GRID2: variants seen among roughly 807,000 people sequenced by gnomAD.
The protein encoded by GRID2 is glutamate receptor ionotropic, delta-2.
GRID2 carries 33 observed loss-of-function variants against 114.8 expected under a neutral mutation model. The observed-to-expected ratio is 0.29, with a 90% confidence interval of 0.22 to 0.38. The LOEUF (loss-of-function observed/expected upper bound fraction) is 0.38, where lower values mean the gene tolerates loss of function less well. GRID2 is among the 10% of genes least tolerant of loss of function. GRID2 has a pLI of 1.00. For missense variants in GRID2, 1,184 were observed against 1,257.7 expected (o/e 0.94, Z 0.89); for synonymous variants, 505 against 449.9 (o/e 1.12, Z -1.55).
At chr4:92,380,661 T>G (rs2110236274) in intron 1 of GRID2, among the ~76,000 whole-genome samples, 2 of 152,118 alleles carry the variant, frequency 1.3e-5, no homozygotes, top group Middle Eastern at 6.8e-3. Flanking sequence ...ATCCTTTTGT[T>G]TTTGTTTTGT....
chr4:93,073,950 A>G (rs1332913699), intron 2 of GRID2, among the ~76,000 whole-genome samples: 2 of 152,202 alleles, frequency 1.3e-5, no homozygotes, highest in Non-Finnish European at 2.9e-5. Context: ...GCAAAGTAAC[A>G]CACAACAGAT....
chr4:93,017,680 C>T (rs1722882807), intron 2 of GRID2, among the ~76,000 whole-genome samples: 1 of 151,494 alleles, frequency 6.6e-6, no homozygotes, highest in Non-Finnish European at 1.5e-5. Context: ...GTGTTAGGCG[C>T]TTGTGATCCC....
At chr4:93,222,633 A>G (rs1745018896) in intron 6 of GRID2, among the ~76,000 whole-genome samples, 1 of 151,588 alleles carries the variant, frequency 6.6e-6, no homozygotes, top group African/African-American at 2.4e-5. Context: ...ACCCCACAAC[A>G]GGCCCCGGTG....
At position 93,362,236 on chromosome 4, in the gene GRID2, C is replaced by T. The variant is rs558295330; in HGVS notation, c.1246-33371C>T. Among the ~76,000 whole-genome samples the T allele has an allele frequency of 1.6e-4, 25 of 151,954 alleles. 1 individual carries two copies. The South Asian group carries it at 4.2e-3, about 25-fold the overall frequency. Reference sequence around the variant, plus strand: ...GCCTCAGTGAGTATATTTTTTATACCGTTGCTTCTCTCTCAATGGTAGAAT... The same window carrying T: ...GCCTCAGTGAGTATATTTTTTATACTGTTGCTTCTCTCTCAATGGTAGAAT... On this transcript the variant is annotated intron_variant, in intron 8 of 15. Coordinates refer to ENST00000282020, the MANE Select transcript of GRID2 (RefSeq NM_001510.4).
At chr4:93,264,969 G>A (rs1750655904) in intron 8 of GRID2, among the ~76,000 whole-genome samples, 1 of 151,402 alleles carries the variant, frequency 6.6e-6, no homozygotes, top group South Asian at 2.1e-4. Flanking sequence ...TTTTAGTAGA[G>A]ACGGGGTTTC....
At chr4:92,629,405 T>C (rs1418340845) in intron 2 of GRID2, among the ~76,000 whole-genome samples, 3 of 152,152 alleles carry the variant, frequency 2.0e-5, no homozygotes, top group Non-Finnish European at 4.4e-5. Flanking sequence ...TCTGTCATCT[T>C]ATATATTGCT....
Position 92,395,363 on chromosome 4 carries a change from A to G in GRID2, c.88+90619A>G, listed in dbSNP as rs546794936. On this transcript the variant is annotated intron_variant, in intron 1 of 15. Coordinates refer to ENST00000282020, the MANE Select transcript of GRID2 (RefSeq NM_001510.4). ...AAAAATATTGTTAAGAAATGTATAT[A>G]TAAAATAAAATATTATTTTTACAGC... Among the ~76,000 whole-genome samples the G allele has an allele frequency of 3.2e-4, 48 of 151,856 alleles. No individual in the cohort carries two copies. In the South Asian group the frequency reaches 6.8e-3, roughly 22 times the overall value.
intron 2 of GRID2, among the ~76,000 whole-genome samples, chr4:93,062,801 A>AAAGG (rs1727923497): frequency 6.6e-6 from 1 of 152,024 alleles, no homozygotes; most frequent in African/African-American, 2.4e-5. Flanking sequence ...TGTATTCAGG[A>AAAGG]AAGGAGGCAG....
intron 9 of GRID2, among the ~76,000 whole-genome samples, chr4:93,411,621 G>C (rs1243954739): frequency 6.6e-6 from 1 of 151,854 alleles, no homozygotes; most frequent in Non-Finnish European, 1.5e-5. Flanking sequence ...TTTTAGTAGA[G>C]ACGAGTTTCA....
intron 4 of GRID2, among the ~76,000 whole-genome samples, chr4:93,124,292 T>G (rs570864903): frequency 1.4e-4 from 22 of 152,258 alleles, no homozygotes; most frequent in Non-Finnish European, 3.2e-4. Flanking sequence ...ATTATGCACC[T>G]CTTTGAGCTC....
At chr4:92,612,300 C>G (rs1248761990) in intron 2 of GRID2, among the ~76,000 whole-genome samples, 1 of 151,396 alleles carries the variant, frequency 6.6e-6, no homozygotes, top group Non-Finnish European at 1.5e-5. Flanking sequence ...TCAGAATACT[C>G]GTGTCTTCCA....
intron 4 of GRID2, among the ~76,000 whole-genome samples, chr4:93,126,043 A>C (rs1455379156): frequency 6.6e-6 from 1 of 152,224 alleles, no homozygotes; most frequent in African/African-American, 2.4e-5. Flanking sequence ...TGATCCAAGT[A>C]GGTAACTTCT....
chr4:93,108,890 A>G (rs1326986869), intron 3 of GRID2, among the ~76,000 whole-genome samples: 4 of 152,072 alleles, frequency 2.6e-5, no homozygotes, highest in Non-Finnish European at 5.9e-5. Context: ...CGGTCTCCCA[A>G]AGTCCTGGGA....
At chr4:93,412,968 T>A (rs1224403255) in intron 9 of GRID2, among the ~76,000 whole-genome samples, 1 of 152,230 alleles carries the variant, frequency 6.6e-6, no homozygotes, top group East Asian at 1.9e-4. Context: ...GATGTGTAAG[T>A]GCCACATTTT....
intron 8 of GRID2, among the ~76,000 whole-genome samples, chr4:93,275,431 C>CAT (rs3078736): frequency 0.013 from 1,932 of 148,002 alleles, 16 homozygotes; most frequent in Non-Finnish European, 0.019. Context: ...TGGATATATA[C>CAT]ATATATATAT....
At chr4:92,583,005 T>G (rs1728254840) in intron 1 of GRID2, among the ~76,000 whole-genome samples, 1 of 151,970 alleles carries the variant, frequency 6.6e-6, no homozygotes. Flanking sequence ...TATATTATTA[T>G]GAAAGTAAAA....
At chr4:92,639,309 T>C (rs1731231355) in intron 2 of GRID2, among the ~76,000 whole-genome samples, 1 of 151,860 alleles carries the variant, frequency 6.6e-6, no homozygotes. Flanking sequence ...ATCTTATGTA[T>C]GTCTAAAAGA....
intron 1 of GRID2, among the ~76,000 whole-genome samples, chr4:93,785,210 C>T (rs1578794284): frequency 6.6e-6 from 1 of 152,146 alleles, no homozygotes; most frequent in African/African-American, 2.4e-5. Context: ...GTTTGAGTTT[C>T]GTACCTTTTA....
chr4:92,336,344 A>G (rs1188381612), intron 1 of GRID2, among the ~76,000 whole-genome samples: 2 of 152,142 alleles, frequency 1.3e-5, no homozygotes, highest in Non-Finnish European at 2.9e-5. Context: ...AGCCTCCTTT[A>G]TTCTCCAACC....
Sources: gnomAD v4.1 joint callset for allele counts (sites outside exome capture counted in the v4.1 genomes callset) on GRCh38, gnomAD v4.1.1 for gene constraint, MANE v1.5 for transcripts, NCBI Gene and HGNC (gene_info 2026-07-23, HGNC 2026-07-21) for gene names.